The following ZNF652 variants were observed in gnomAD, a reference collection of about 807,000 sequenced individuals.
ZNF652 encodes the protein zinc finger protein 652.
Under a neutral mutation model 45.2 loss-of-function variants are expected in ZNF652, and 16 were observed. The ratio of observed to expected loss-of-function variants is 0.35; its 90% CI spans 0.24 to 0.54. The LOEUF (loss-of-function observed/expected upper bound fraction) is 0.54. Among genes scored for constraint, ZNF652 ranks in the 20% least tolerant of loss-of-function variants. ZNF652 has a pLI of 0.91. For synonymous variants in ZNF652, 250 were observed against 260.6 expected, an observed-to-expected ratio of 0.96 and a Z score of 0.39; for missense variants, 614 against 765.6, an observed-to-expected ratio of 0.80 and a Z score of 2.34.
chr17:49,323,592 T>C lies in ZNF652; in HGVS notation c.-258-5609A>G, dbSNP rs187633807. ...GACCCATCAGAGGAATCACTATCTATGGCAGCTATAGTACAAAATCAATTT... is the reference window on the plus strand; with the variant it reads ...GACCCATCAGAGGAATCACTATCTACGGCAGCTATAGTACAAAATCAATTT... On this transcript the variant is annotated intron_variant, in intron 1 of 5. Coordinates refer to ENST00000430262, the MANE Select transcript of ZNF652 (RefSeq NM_001145365.3). 1.1e-3 allele frequency among the ~76,000 whole-genome samples: 160 copies of C among 152,334 alleles called. 3 individuals are homozygous for C. In the Middle Eastern group the frequency reaches 0.024, roughly 23 times the overall value.
chr17:49,310,087 G>A (rs2069688769), intron 5 of ZNF652, among the ~76,000 whole-genome samples: 1 of 152,064 alleles, frequency 6.6e-6, no homozygotes, highest in Admixed American at 6.6e-5. Flanking sequence ...CTGAGTAGCT[G>A]GGACCACAGG....
At chr17:49,336,845 G>C (rs2070088061) in intron 1 of ZNF652, among the ~76,000 whole-genome samples, 1 of 150,896 alleles carries the variant, frequency 6.6e-6, no homozygotes, top group South Asian at 2.1e-4. Context: ...GGATCACGAG[G>C]TCAGGAGTTC....
intron 1 of ZNF652, among the ~76,000 whole-genome samples, chr17:49,319,805 C>T (rs962094033): frequency 6.6e-6 from 1 of 152,062 alleles, no homozygotes; most frequent in African/African-American, 2.4e-5. Flanking sequence ...CCACACCTGG[C>T]TAATTTTCAA....
At chr17:49,316,088 C>T (rs939598978) in intron 2 of ZNF652, among the ~76,000 whole-genome samples, 2 of 152,296 alleles carry the variant, frequency 1.3e-5, no homozygotes, top group African/African-American at 4.8e-5. Flanking sequence ...ACGTGCAAAC[C>T]AATATAACTG....
At chr17:49,335,309 C>T (rs762946570) in intron 1 of ZNF652, among the ~76,000 whole-genome samples, 2 of 152,120 alleles carry the variant, frequency 1.3e-5, no homozygotes, top group Non-Finnish European at 2.9e-5. Flanking sequence ...TCTGGATAGG[C>T]TCTATTTGGA....
intron 1 of ZNF652, among the ~76,000 whole-genome samples, chr17:49,318,243 A>C (rs977647540): frequency 7.2e-5 from 11 of 151,966 alleles, no homozygotes; most frequent in African/African-American, 2.7e-4. Flanking sequence ...ACACCTGGCT[A>C]ATTTTTGTAT....
rs1371239901 is a variant in ZNF652 at position 49,351,004 on chromosome 17, TATATATATATACACACACACAC to T, written c.-259+10883_-259+10904del. On this transcript the variant is annotated intron_variant, in intron 1 of 5. Transcript: ENST00000430262. ...ATATATATATATATATATATATATATATATATATATACACACACACACACACACACACACACACACACACACA... is the reference window on the plus strand; with the variant it reads ...ATATATATATATATATATATATATATACACACACACACACACACACACACA... 3.8e-4 allele frequency among the ~76,000 whole-genome samples: 8 copies of T among 21,092 alleles called. 1 individual carries two copies. Among genetic ancestry groups the T allele is most frequent in the Admixed American group, 3.0e-3 (7 of 2,356 alleles). 13.8% of individuals were successfully genotyped at this position (21,092 alleles called of 152,430 possible). A position where few individuals can be genotyped will look rare whatever the true frequency, so the allele number is the denominator to read the frequency against.
intron 1 of ZNF652, among the ~76,000 whole-genome samples, chr17:49,354,313 G>A (rs188230637): frequency 6.6e-5 from 10 of 152,134 alleles, no homozygotes; most frequent in Admixed American, 3.3e-4. Flanking sequence ...AGGGGAAAAG[G>A]TAAAAATGTA....
At chr17:49,319,712 G>A (rs890260299) in intron 1 of ZNF652, among the ~76,000 whole-genome samples, 1 of 149,702 alleles carries the variant, frequency 6.7e-6, no homozygotes, top group African/African-American at 2.5e-5. Flanking sequence ...TGCAATCATG[G>A]CTCACTGCAG....
chr17:49,307,962 C>G (rs1180740086), intron 5 of ZNF652, among the ~76,000 whole-genome samples: 1 of 152,026 alleles, frequency 6.6e-6, no homozygotes, highest in Non-Finnish European at 1.5e-5. Flanking sequence ...CAGGTTACAA[C>G]AGAGTATAAA....
At chr17:49,356,818 G>A (rs1027245274) in intron 1 of ZNF652, among the ~76,000 whole-genome samples, 1 of 152,016 alleles carries the variant, frequency 6.6e-6, no homozygotes, top group Non-Finnish European at 1.5e-5. Context: ...AAGTCTCTAG[G>A]TAACTCTTGT....
intron 5 of ZNF652, among the ~76,000 whole-genome samples, chr17:49,309,722 T>C (rs1173372179): frequency 6.6e-6 from 1 of 152,114 alleles, no homozygotes; most frequent in Non-Finnish European, 1.5e-5. Flanking sequence ...AAAGTTATCA[T>C]TTTCTTTTCA....
chr17:49,349,527 T>C (rs571772153), intron 1 of ZNF652, among the ~76,000 whole-genome samples: 21 of 152,346 alleles, frequency 1.4e-4, no homozygotes, highest in Non-Finnish European at 2.6e-4. Context: ...TTATCTACAA[T>C]GGTATTCTGC....
At chr17:49,356,679 T>C (rs1026121176) in intron 1 of ZNF652, among the ~76,000 whole-genome samples, 3 of 151,784 alleles carry the variant, frequency 2.0e-5, no homozygotes, top group Non-Finnish European at 4.4e-5. Context: ...TTATCAGCAA[T>C]CCAATACTAG....
chr17:49,295,500 T>G lies in ZNF652; in HGVS notation c.*2913A>C, dbSNP rs1244635447. ...TTCCTGTATAGCAGATATTTTCTTA[T>G]GGCTATATTTACTTGAATGAAAAAT... On this transcript the variant is annotated 3_prime_UTR_variant, in exon 6 of 6. Transcript: ENST00000430262. 1 of 152,606 alleles carries G rather than the reference T, an allele frequency of 6.6e-6. No individual in the cohort carries two copies. Among genetic ancestry groups the G allele is most frequent in the East Asian group, 1.9e-4 (1 of 5,182 alleles). The allele number at this position is 152,606 out of a possible 1,614,324, so 9.5% of individuals were successfully genotyped here.
chr17:49,289,688 C>G lies in ZNF652; in HGVS notation c.*8725G>C, dbSNP rs968851431. The G allele has an allele frequency of 6.6e-6, 1 of 152,334 alleles. No individual in the cohort carries two copies. The highest frequency in any genetic ancestry group is 1.5e-5 in the Non-Finnish European group (1 of 68,128). 9.4% of individuals were successfully genotyped at this position (152,334 alleles called of 1,614,324 possible). ...TCCTACCTACCTGTCACCTCCCCAA[C>G]CCAAAGACTCCTCTAAACTTCTTTG... On this transcript the variant is annotated 3_prime_UTR_variant, in exon 6 of 6. Coordinates refer to ENST00000430262, the MANE Select transcript of ZNF652 (RefSeq NM_001145365.3).
chr17:49,360,331 G>C (rs2070379600), intron 1 of ZNF652, among the ~76,000 whole-genome samples: 1 of 152,042 alleles, frequency 6.6e-6, no homozygotes, highest in Admixed American at 6.6e-5. Context: ...ATCTTAACCT[G>C]AAGTCCCAGG....
At chr17:49,330,906 A>C (rs550856450) in intron 1 of ZNF652, among the ~76,000 whole-genome samples, 68 of 150,994 alleles carry the variant, frequency 4.5e-4, no homozygotes, top group Non-Finnish European at 6.8e-4. Context: ...ACAAACAAAC[A>C]AACAAAAACC....
Position 49,294,130 on chromosome 17 carries a change from C to G in ZNF652, c.*4283G>C, listed in dbSNP as rs935612972. Among the ~76,000 whole-genome samples, 1 of 151,956 alleles carries G rather than the reference C, an allele frequency of 6.6e-6. No homozygotes were observed. The highest frequency in any genetic ancestry group is 2.4e-5 in the African/African-American group (1 of 41,354). Reference sequence around the variant, plus strand: ...TGAAATAATAATGGAACTAAACATACATATCTATTCAACAATCATAAAAAC... The same window carrying G: ...TGAAATAATAATGGAACTAAACATAGATATCTATTCAACAATCATAAAAAC... On this transcript the variant is annotated 3_prime_UTR_variant, in exon 6 of 6. Coordinates refer to ENST00000430262, the MANE Select transcript of ZNF652 (RefSeq NM_001145365.3).
Sources: allele counts gnomAD v4.1 joint callset (sites outside exome capture counted in the v4.1 genomes callset), GRCh38; gene constraint gnomAD v4.1.1; transcripts MANE v1.5; gene names NCBI Gene and HGNC (gene_info 2026-07-23, HGNC 2026-07-21).